Variants in SOX5 observed in about 807,000 individuals in gnomAD.
The protein encoded by SOX5 is SRY-box transcription factor 5, also known as transcription factor SOX-5.
In SOX5, 9 loss-of-function variants were observed where a neutral mutation model predicts 92.0. The ratio of observed to expected loss-of-function variants is 0.10; its 90% CI spans 0.06 to 0.17. The LOEUF (loss-of-function observed/expected upper bound fraction) is 0.17. Ranked by LOEUF, SOX5 falls within the 10% of genes least tolerant of loss-of-function variation. The pLI, the probability that SOX5 is intolerant of heterozygous loss-of-function variation, is 1.00. For synonymous variants in SOX5, 344 were observed against 336.3 expected (o/e 1.02, Z -0.25); for missense variants, 642 against 944.5 (o/e 0.68, Z 4.20).
chr12:23,927,972 A>G (rs1013750416), intron 1 of SOX5, among the ~76,000 whole-genome samples: 1 of 152,084 alleles, frequency 6.6e-6, no homozygotes, highest in African/African-American at 2.4e-5. Flanking sequence ...TTAGATGGCT[A>G]TGAAATGCAC....
chr12:24,428,847 C>T (rs557349406), intron 1 of SOX5, among the ~76,000 whole-genome samples: 1 of 149,596 alleles, frequency 6.7e-6, no homozygotes. Flanking sequence ...GCATAGTGAG[C>T]CGGTTAATGG....
At chr12:24,168,973 A>T (rs1052244400) in intron 4 of SOX5, among the ~76,000 whole-genome samples, 9 of 152,198 alleles carry the variant, frequency 5.9e-5, no homozygotes, top group Non-Finnish European at 1.3e-4. Flanking sequence ...TTTCCAAAAA[A>T]AAAATAATAA....
chr12:24,020,070 T>C (rs1291165206), intron 4 of SOX5, among the ~76,000 whole-genome samples: 2 of 152,154 alleles, frequency 1.3e-5, no homozygotes, highest in Non-Finnish European at 2.9e-5. Flanking sequence ...TCTGGAAAAT[T>C]TAAGTCACAT....
intron 4 of SOX5, among the ~76,000 whole-genome samples, chr12:24,172,096 TGC>T (rs901866205): frequency 4.7e-5 from 6 of 126,452 alleles, no homozygotes; most frequent in Non-Finnish European, 1.1e-4. Context: ...TGTGTGTGCG[TGC>T]GCGCGTGTGT....
At chr12:23,597,055 C>T (rs1952597502) in intron 9 of SOX5, among the ~76,000 whole-genome samples, 1 of 152,082 alleles carries the variant, frequency 6.6e-6, no homozygotes, top group South Asian at 2.1e-4. Context: ...TCCAAGTTTC[C>T]CTTAAAAAAT....
intron 7 of SOX5, among the ~76,000 whole-genome samples, chr12:23,659,816 A>T (rs1261096863): frequency 6.6e-6 from 1 of 151,982 alleles, no homozygotes; most frequent in African/African-American, 2.4e-5. Context: ...AAAATACAAA[A>T]ATTAGCTGGG....
chr12:24,068,678 GTA>G (rs1941195387), intron 4 of SOX5, among the ~76,000 whole-genome samples: 4 of 95,138 alleles, frequency 4.2e-5, no homozygotes, highest in African/African-American at 1.8e-4. Context: ...GGTCAAAGTC[GTA>G]TGTGTGTGTG....
chr12:24,466,600 C>T (rs974356709), intron 1 of SOX5, among the ~76,000 whole-genome samples: 17 of 152,164 alleles, frequency 1.1e-4, no homozygotes, highest in Admixed American at 3.3e-4. Flanking sequence ...TAGAAGTAGA[C>T]GCTGTGGCCC....
In SOX5 at chr12:24,457,145, C is replaced by T. The variant is rs187361844; in HGVS notation, c.-250-88506G>A. ...CACATTCCAAATAGAGTTCTCAACA[C>T]TACATTTTAAAGCGCAAATCGCTGT... is the stretch of plus-strand genomic sequence containing the variant. On this transcript the variant is annotated intron_variant, in intron 1 of 4. Transcript: ENST00000446891. 2.3e-3 allele frequency among the ~76,000 whole-genome samples: 357 copies of T among 152,226 alleles called. 1 individual carries two copies. The highest frequency in any genetic ancestry group is 5.3e-3 in the Admixed American group (81 of 15,290).
At chr12:24,283,642 T>C (rs1945481536) in intron 2 of SOX5, among the ~76,000 whole-genome samples, 1 of 152,232 alleles carries the variant, frequency 6.6e-6, no homozygotes, top group South Asian at 2.1e-4. Flanking sequence ...TAAAGATGCA[T>C]TCCAACACGA....
intron 1 of SOX5, among the ~76,000 whole-genome samples, chr12:24,436,388 G>T (rs1242122335): frequency 6.6e-6 from 1 of 152,210 alleles, no homozygotes; most frequent in Non-Finnish European, 1.5e-5. Context: ...GACTGATAAG[G>T]AGAAAGTTTG....
chr12:23,810,906 C>A (rs1416015693), intron 3 of SOX5, among the ~76,000 whole-genome samples: 1 of 151,928 alleles, frequency 6.6e-6, no homozygotes, highest in Non-Finnish European at 1.5e-5. Context: ...AGAAGAGCTG[C>A]TTTTTTTTCC....
intron 4 of SOX5, among the ~76,000 whole-genome samples, chr12:24,028,164 G>A (rs1055334906): frequency 6.6e-6 from 1 of 151,960 alleles, no homozygotes; most frequent in African/African-American, 2.4e-5. Context: ...CAGTCAAAAT[G>A]TCTGTAGCAG....
chr12:24,357,238 C>T (rs761016527), intron 2 of SOX5: 3 of 152,072 alleles, frequency 2.0e-5, no homozygotes, highest in African/African-American at 7.2e-5. Context: ...GGAGAAATTT[C>T]GAGGTGAAAT....
At chr12:24,474,367 T>A (rs1201157770) in intron 1 of SOX5, among the ~76,000 whole-genome samples, 2 of 152,170 alleles carry the variant, frequency 1.3e-5, no homozygotes, top group African/African-American at 2.4e-5. Flanking sequence ...TTGTCTGTAT[T>A]TGGTGCCTTC....
chr12:24,270,938 G>A (rs187434366), intron 3 of SOX5, among the ~76,000 whole-genome samples: 104 of 152,140 alleles, frequency 6.8e-4, no homozygotes, highest in African/African-American at 2.2e-3. Context: ...AGTTATTTCC[G>A]GATTTTTTGG....
chr12:24,121,230 A>G (rs1036633396), intron 4 of SOX5, among the ~76,000 whole-genome samples: 3 of 152,206 alleles, frequency 2.0e-5, no homozygotes, highest in African/African-American at 2.4e-5. Flanking sequence ...ACTGATAATA[A>G]ATACAGATCC....
At chr12:24,154,758 C>A (rs1478007721) in intron 4 of SOX5, among the ~76,000 whole-genome samples, 2 of 152,124 alleles carry the variant, frequency 1.3e-5, no homozygotes. Flanking sequence ...AGTAAAGAAG[C>A]ATTTTTGTTT....
At chr12:23,596,635 G>C (rs540180865) in intron 9 of SOX5, among the ~76,000 whole-genome samples, 1 of 152,160 alleles carries the variant, frequency 6.6e-6, no homozygotes, top group East Asian at 1.9e-4. Context: ...CAATAGTTTA[G>C]CATAAAAAAT....
Sources: gnomAD v4.1 joint callset for allele counts (sites outside exome capture counted in the v4.1 genomes callset) on GRCh38, gnomAD v4.1.1 for gene constraint, MANE v1.5 for transcripts, NCBI Gene and HGNC (gene_info 2026-07-23, HGNC 2026-07-21) for gene names.